The following GPR176 variants were observed in gnomAD, a reference collection of about 807,000 sequenced individuals.
GPR176 encodes the protein G-protein coupled receptor 176.
GPR176 carries 26 observed loss-of-function variants against 35.4 expected under a neutral mutation model. The observed-to-expected ratio is 0.74, with a 90% CI of 0.54 to 1.02. The LOEUF is 1.02. GPR176 is among the 50% of genes least tolerant of loss of function. The pLI is 0.00. For missense variants in GPR176, 597 were observed against 665.3 expected, an observed-to-expected ratio of 0.90 and a Z score of 1.13; for synonymous variants, 278 against 271.3, an observed-to-expected ratio of 1.02 and a Z score of -0.24.
chr15:39,801,021 T>C lies in GPR176; in HGVS notation c.*111A>G. On this transcript the variant is annotated 3_prime_UTR_variant, in exon 3 of 3. Transcript: ENST00000561100. ...AAGCATCTGGCCCATATTGGAGGAA[T>C]CAACTCACACTGAGTTGCAAGGAGA... 1 of 880,248 alleles carries C rather than the reference T, an allele frequency of 1.1e-6. No homozygotes were observed. Among genetic ancestry groups the C allele is most frequent in the Non-Finnish European group, 1.8e-6 (1 of 559,688 alleles). 54.5% of individuals were successfully genotyped at this position (880,248 alleles called of 1,614,324 possible).
At chr15:39,839,484 G>T (rs1435639261) in intron 1 of GPR176, among the ~76,000 whole-genome samples, 2 of 152,042 alleles carry the variant, frequency 1.3e-5, no homozygotes, top group Non-Finnish European at 2.9e-5. Flanking sequence ...AATTCAAGAT[G>T]GATTAAAGGC....
At chr15:39,875,050 AAAAC>A (rs975772706) in intron 1 of GPR176, among the ~76,000 whole-genome samples, 3 of 152,252 alleles carry the variant, frequency 2.0e-5, no homozygotes, top group East Asian at 1.9e-4. Flanking sequence ...CTCAAAAACA[AAAAC>A]AAACAAACAA....
intron 1 of GPR176, among the ~76,000 whole-genome samples, chr15:39,830,075 A>G (rs568096884): frequency 1.4e-4 from 22 of 152,100 alleles, no homozygotes; most frequent in Non-Finnish European, 2.6e-4. Flanking sequence ...ATTCTGCATC[A>G]TAAGACAACT....
At chr15:39,859,885 T>C (rs1174404948) in intron 1 of GPR176, among the ~76,000 whole-genome samples, 2 of 151,978 alleles carry the variant, frequency 1.3e-5, no homozygotes, top group Admixed American at 1.3e-4. Flanking sequence ...AGACTGGCTG[T>C]ACAACAATGT....
At chr15:39,803,864 G>C (rs933100722) in intron 2 of GPR176, among the ~76,000 whole-genome samples, 4 of 152,200 alleles carry the variant, frequency 2.6e-5, no homozygotes, top group Non-Finnish European at 5.9e-5. Context: ...GAAAGAGATG[G>C]GATGCAAACA....
intron 1 of GPR176, among the ~76,000 whole-genome samples, chr15:39,898,259 G>C (rs1185763753): frequency 6.6e-6 from 1 of 150,988 alleles, no homozygotes; most frequent in Admixed American, 6.6e-5. Flanking sequence ...TTTCAAACAA[G>C]ATTTACGGTG....
rs117159548 is a variant in GPR176 at position 39,912,561 on chromosome 15, C to T, written c.172+7294G>A. Among the ~76,000 whole-genome samples, 120 of 149,702 alleles carry T rather than the reference C, an allele frequency of 8.0e-4. 2 individuals are homozygous for T. The East Asian group carries it at 0.018, about 23-fold the overall frequency. On this transcript the variant is annotated intron_variant, in intron 1 of 2. Transcript: ENST00000561100. ...TGAGCCTGAGAGGTTGAGGCTGCAA[C>T]GAGCTGTGATCGCACCACTTCACTC... is the stretch of plus-strand genomic sequence containing the variant.
At chr15:39,843,589 T>G (rs1213922201) in intron 1 of GPR176, among the ~76,000 whole-genome samples, 1 of 126,962 alleles carries the variant, frequency 7.9e-6, no homozygotes, top group Non-Finnish European at 1.8e-5. Flanking sequence ...TCTGCCAGTG[T>G]AAGAGATTAC....
intron 1 of GPR176, among the ~76,000 whole-genome samples, chr15:39,837,632 G>A (rs1232996444): frequency 1.3e-5 from 2 of 152,080 alleles, no homozygotes; most frequent in African/African-American, 2.4e-5. Flanking sequence ...GGTAACAGTA[G>A]TAGTAGTAGC....
chr15:39,854,542 C>G (rs567132191), intron 1 of GPR176, among the ~76,000 whole-genome samples: 1 of 152,270 alleles, frequency 6.6e-6, no homozygotes, highest in South Asian at 2.1e-4. Flanking sequence ...CTGACATAGT[C>G]TTAGTTTCTC....
At chr15:39,898,844 A>C (rs1438220588) in intron 1 of GPR176, among the ~76,000 whole-genome samples, 2 of 152,192 alleles carry the variant, frequency 1.3e-5, no homozygotes, top group African/African-American at 4.8e-5. Context: ...AAGAAGAAAG[A>C]AAGCACTGTG....
chr15:39,838,364 T>A (rs1411110494), intron 1 of GPR176, among the ~76,000 whole-genome samples: 1 of 152,168 alleles, frequency 6.6e-6, no homozygotes. Context: ...CTTACTATTG[T>A]AGACTAAAAG....
chr15:39,836,650 A>G (rs950119492), intron 1 of GPR176, among the ~76,000 whole-genome samples: 14 of 152,272 alleles, frequency 9.2e-5, no homozygotes, highest in African/African-American at 3.1e-4. Flanking sequence ...CTTCTTTTTT[A>G]TAAAATTTAT....
chr15:39,900,081 A>T (rs1333932621), intron 1 of GPR176, among the ~76,000 whole-genome samples: 27 of 152,198 alleles, frequency 1.8e-4, no homozygotes, highest in Admixed American at 1.8e-3. Flanking sequence ...TAACAAGTTG[A>T]TACAAAAAAT....
rs536316551 is a variant in GPR176, at chr15:39,801,948, C to A, written c.732G>T (p.Ala244=). 1.2e-6 allele frequency: 2 copies of A among 1,614,016 alleles called. No homozygotes were observed. Among genetic ancestry groups the A allele is most frequent in the Non-Finnish European group, 1.7e-6 (2 of 1,179,986 alleles). Residue 244 remains alanine (A), a synonymous_variant, in exon 3 of 3, where the codon GCG becomes GCT. Transcript: ENST00000561100. ...AGATGGTGTTCTGTGGGGTCCGGAG[C>A]GCTGCTATGATGACCTTCTTCTTCT... ...ASQKKKVIIA[A]LRTPQNTISI...
chr15:39,876,154 G>A (rs1044198945), intron 1 of GPR176, among the ~76,000 whole-genome samples: 2 of 151,656 alleles, frequency 1.3e-5, no homozygotes, highest in African/African-American at 2.4e-5. Context: ...GACAGAGTGA[G>A]ACCCTGACTC....
intron 1 of GPR176, among the ~76,000 whole-genome samples, chr15:39,833,221 T>C (rs1901202800): frequency 6.6e-6 from 1 of 152,136 alleles, no homozygotes; most frequent in African/African-American, 2.4e-5. Flanking sequence ...AGCAGCCCTC[T>C]TCATAATAGC....
chr15:39,846,106 A>T (rs763803824), intron 1 of GPR176, among the ~76,000 whole-genome samples: 5 of 152,208 alleles, frequency 3.3e-5, no homozygotes, highest in Non-Finnish European at 5.9e-5. Flanking sequence ...ACATCTGTGA[A>T]AATGGAGTAG....
chr15:39,827,159 C>G (rs1286606979), intron 1 of GPR176, among the ~76,000 whole-genome samples: 1 of 152,130 alleles, frequency 6.6e-6, no homozygotes, highest in African/African-American at 2.4e-5. Context: ...ATTCAACAAG[C>G]TATAGGAGGA....
Sources: gnomAD v4.1 joint callset for allele counts (sites outside exome capture counted in the v4.1 genomes callset) on GRCh38, gnomAD v4.1.1 for gene constraint, MANE v1.5 for transcripts, NCBI Gene and HGNC (gene_info 2026-07-23, HGNC 2026-07-21) for gene names.